Variants in PADI4 observed in about 807,000 individuals in gnomAD.
PADI4 encodes peptidyl arginine deiminase 4.
A neutral mutation model predicts 75.0 loss-of-function variants in PADI4; 62 were observed. The observed-to-expected ratio is 0.83, with a 90% CI of 0.67 to 1.02. The LOEUF (loss-of-function observed/expected upper bound fraction) is 1.02, where lower values mean the gene tolerates loss of function less well. PADI4 is among the 50% of genes least tolerant of loss of function. PADI4 has a pLI of 0.00. For missense variants in PADI4, 845 were observed against 850.5 expected (o/e 0.99, Z 0.08); for synonymous variants, 361 against 348.1 (o/e 1.04, Z -0.41).
chr1:17,334,151 A>C (rs2074267231), intron 3 of PADI4, 142 bp downstream of exon 3: 1 of 636,088 alleles, frequency 1.6e-6, no homozygotes, highest in Non-Finnish European at 2.9e-6. Flanking sequence ...AGCCAGTCAG[A>C]CATCTGGGAG....
intron 2 of PADI4, among the ~76,000 whole-genome samples, chr1:17,333,636 T>G (rs2074255860): frequency 1.3e-5 from 2 of 151,708 alleles, no homozygotes; most frequent in South Asian, 4.2e-4. Flanking sequence ...CTGCCCCATC[T>G]CCAGCTGCTG....
At chr1:17,310,060 G>A (rs2073792722) in intron 1 of PADI4, among the ~76,000 whole-genome samples, 1 of 152,106 alleles carries the variant, frequency 6.6e-6, no homozygotes, top group Non-Finnish European at 1.5e-5. Context: ...AGTTCACAGG[G>A]GCCTCTAAAT....
chr1:17,354,402 C>A lies in PADI4; in HGVS notation c.1156-131C>A, dbSNP rs113833089. 2.3e-4 allele frequency: 178 copies of A among 763,774 alleles called. No individual in the cohort carries two copies. The African/African-American group carries it at 2.6e-3, about 11-fold the overall frequency. 47.3% of individuals were successfully genotyped at this position (763,774 alleles called of 1,614,324 possible). On this transcript the variant is annotated intron_variant, in intron 10 of 15. Coordinates refer to ENST00000375448, the MANE Select transcript of PADI4 (RefSeq NM_012387.3). ...AACCTTCCACATGTGATAACAGCAC[C>A]TGCTATGTGCCAGCTGTAGACGGTA...
chr1:17,362,810 A>G (rs543563817), intron 15 of PADI4, among the ~76,000 whole-genome samples: 1 of 152,196 alleles, frequency 6.6e-6, no homozygotes, highest in African/African-American at 2.4e-5. Flanking sequence ...TCATTTGTAA[A>G]GTGGGGCTAT....
chr1:17,324,971 T>C (rs1294403066), intron 1 of PADI4, among the ~76,000 whole-genome samples: 5 of 152,250 alleles, frequency 3.3e-5, no homozygotes, highest in African/African-American at 1.2e-4. Context: ...CCTTCCTTTG[T>C]CTTGGCCTGA....
chr1:17,336,228 T>A lies in PADI4; in HGVS notation c.408+2T>A, dbSNP rs759076293. The A allele has an allele frequency of 1.9e-6, 3 of 1,612,634 alleles. No individual in the cohort carries two copies. Among genetic ancestry groups the A allele is most frequent in the Non-Finnish European group, 2.5e-6 (3 of 1,178,696 alleles). On this transcript the variant is annotated splice_donor_variant, in intron 4 of 15. Transcript: ENST00000375448. LOFTEE classifies it high-confidence loss of function. ...CCAACCAGAGCTGTGAAAGATCAGG[T>A]ACCACTCACCCAAACGCTCCTTTCC...
chr1:17,308,270 T>G lies in PADI4; in HGVS notation c.48T>G (p.His16Gln). 1 of 1,614,064 alleles carries G rather than the reference T, an allele frequency of 6.2e-7. No individual in the cohort carries two copies. The change falls in exon 1 of 16, where the codon CAT becomes CAG. Residue 16 changes from histidine to glutamine, a missense_variant. Transcript: ENST00000375448. ...GTGTGACCCCAGAGCAGCCCACCCA[T>G]GCCGTGTGTGTGCTGGGCACCTTGA... ...LIRVTPEQPT[H>Q]AVCVLGTLTQ... is the part of the protein sequence containing the mutation.
At position 17,343,480 on chromosome 1, in the gene PADI4, G is replaced by A. The variant is rs77549925; in HGVS notation, c.935+1078G>A. 3.9e-5 allele frequency among the ~76,000 whole-genome samples: 6 copies of A among 152,260 alleles called. No individual in the cohort carries two copies. The East Asian group carries it at 7.7e-4, about 20-fold the overall frequency. ...TGGAATCCAGTGAGGACTGTATTCC[G>A]GTCCCAGCACTGTTCCAGGTGGTGT... On this transcript the variant is annotated intron_variant, in intron 8 of 15. Transcript: ENST00000375448.
intron 8 of PADI4, among the ~76,000 whole-genome samples, chr1:17,345,194 G>A (rs2100751058): frequency 6.6e-6 from 1 of 152,312 alleles, no homozygotes; most frequent in East Asian, 1.9e-4. Flanking sequence ...GGACTTGCAT[G>A]GGCCCTGTAA....
intron 15 of PADI4, among the ~76,000 whole-genome samples, chr1:17,362,743 C>CTCCCTG (rs2074864092): frequency 6.6e-6 from 1 of 152,064 alleles, no homozygotes; most frequent in Non-Finnish European, 1.5e-5. Flanking sequence ...AGCTGTAGTC[C>CTCCCTG]AAGTATAGCT....
At chr1:17,359,241 C>CCAAAA in intron 14 of PADI4, 39 bp from the exon 15 acceptor site, 1 of 1,108,194 alleles carries the variant, frequency 9.0e-7, no homozygotes, top group Non-Finnish European at 1.3e-6. Flanking sequence ...CCCCGACTGC[C>CCAAAA]ATCAGTCCCC....
intron 5 of PADI4, among the ~76,000 whole-genome samples, chr1:17,339,408 G>A (rs1465820066): frequency 1.3e-5 from 2 of 152,172 alleles, no homozygotes; most frequent in Non-Finnish European, 2.9e-5. Context: ...ACGTTGCAAG[G>A]AGCAAAATAT....
intron 1 of PADI4, among the ~76,000 whole-genome samples, chr1:17,311,489 T>A (rs2073826843): frequency 1.3e-5 from 2 of 151,896 alleles, no homozygotes; most frequent in South Asian, 4.2e-4. Context: ...AGCTGCCATC[T>A]ATGGTCTCTC....
At chr1:17,358,173 G>A (rs561963799) in intron 13 of PADI4, among the ~76,000 whole-genome samples, 60 of 151,942 alleles carry the variant, frequency 3.9e-4, no homozygotes, top group African/African-American at 7.7e-4. Context: ...GCTTGAACTC[G>A]GGAGGTGGAG....
intron 7 of PADI4, 52 bp downstream of exon 7, chr1:17,342,173 C>T (rs1210214343): frequency 6.4e-7 from 1 of 1,573,608 alleles, no homozygotes; most frequent in Non-Finnish European, 8.7e-7. Context: ...CAGGCAGTGG[C>T]CTGGCTAGGG....
intron 2 of PADI4, among the ~76,000 whole-genome samples, chr1:17,331,728 GC>G: frequency 6.6e-6 from 1 of 152,196 alleles, no homozygotes; most frequent in Middle Eastern, 3.4e-3. Context: ...GACCAGCCTG[GC>G]CAACACGGTG....
chr1:17,328,424 T>C (rs2074150426), intron 1 of PADI4, among the ~76,000 whole-genome samples: 1 of 152,040 alleles, frequency 6.6e-6, no homozygotes, highest in South Asian at 2.1e-4. Context: ...GGCAGAAGGA[T>C]TGCTTGAGGC....
chr1:17,333,410 C>T (rs898474340), intron 2 of PADI4, among the ~76,000 whole-genome samples: 2 of 152,036 alleles, frequency 1.3e-5, no homozygotes, highest in Non-Finnish European at 2.9e-5. Flanking sequence ...TCTGGCCAAT[C>T]CGAGGTGTTC....
At chr1:17,348,342 G>A (rs2074557204) in intron 10 of PADI4, 1 of 251,542 alleles carries the variant, frequency 4.0e-6, no homozygotes, top group Admixed American at 5.2e-5. Flanking sequence ...TCTTGAAGAA[G>A]CTCTTGCTGC....
Sources: allele counts gnomAD v4.1 joint callset (sites outside exome capture counted in the v4.1 genomes callset), GRCh38; gene constraint gnomAD v4.1.1; transcripts MANE v1.5; gene names NCBI Gene and HGNC (gene_info 2026-07-23, HGNC 2026-07-21).